The following EP400 variants were observed in gnomAD, a reference collection of about 807,000 sequenced individuals.
The protein encoded by EP400 is E1A binding protein p400.
A neutral mutation model predicts 354.1 loss-of-function variants in EP400; 105 were observed. The observed-to-expected ratio is 0.30, with a 90% CI of 0.25 to 0.35. EP400 has a LOEUF of 0.35. Ranked by LOEUF, EP400 falls within the 10% of genes least tolerant of loss-of-function variation. The pLI is 1.00. For missense variants in EP400, 3,280 were observed against 4,121.0 expected, an observed-to-expected ratio of 0.80 and a Z score of 5.59; for synonymous variants, 1,646 against 1,716.9, an observed-to-expected ratio of 0.96 and a Z score of 1.02.
intron 15 of EP400, among the ~76,000 whole-genome samples, chr12:132,007,588 A>G (rs531934625): frequency 6.6e-6 from 1 of 152,312 alleles, no homozygotes; most frequent in East Asian, 1.9e-4. Flanking sequence ...CTAGCTGCAG[A>G]GGAAGGTGTG....
At chr12:132,024,042 G>A in intron 24 of EP400, 101 bp downstream of exon 24, 1 of 1,286,692 alleles carries the variant, frequency 7.8e-7, no homozygotes. Flanking sequence ...TAAGTGTCAG[G>A]CTTTTCCCTG....
chr12:131,954,760 G>A (rs1231331642), intron 1 of EP400, among the ~76,000 whole-genome samples: 1 of 151,538 alleles, frequency 6.6e-6, no homozygotes. Flanking sequence ...GGGCGTGGTG[G>A]TGTGTGCCTA....
At chr12:132,021,044 A>T in intron 22 of EP400, 35 bp from the exon 23 acceptor site, 1 of 1,548,756 alleles carries the variant, frequency 6.5e-7, no homozygotes. Context: ...AAGAACCTCT[A>T]ACAGCTTTGC....
At position 132,017,752 on chromosome 12, in the gene EP400, T is replaced by C; in HGVS notation, c.4110+31T>C. On this transcript the variant is annotated intron_variant, in intron 20 of 52. Coordinates refer to ENST00000389561, the MANE Select transcript of EP400 (RefSeq NM_015409.5). This position sits in a 1 kb window ranked among gnomAD's most constrained non-coding sequence, Gnocchi z 5.0. ...TGGAGGATCCAGAAAGCGGAATTAC[T>C]GTTGGATATCTTTTCTAGGCACATT... The C allele has an allele frequency of 6.6e-7, 1 of 1,506,116 alleles. No individual in the cohort carries two copies. The highest frequency in any genetic ancestry group is 8.9e-7 in the Non-Finnish European group (1 of 1,128,002). 93.3% of individuals were successfully genotyped at this position (1,506,116 alleles called of 1,614,324 possible).
Position 131,992,060 on chromosome 12 carries a change from C to G in EP400, c.2680-113C>G, listed in dbSNP as rs529912401. 9 of 1,111,562 alleles carry G rather than the reference C, an allele frequency of 8.1e-6. No individual in the cohort carries two copies. In the East Asian group the frequency reaches 1.2e-4, roughly 14 times the overall value. The allele number at this position is 1,111,562 out of a possible 1,614,324, so 68.9% of individuals were successfully genotyped here. A position where few individuals can be genotyped will look rare whatever the true frequency, so the allele number is the denominator to read the frequency against. ...ACCCCAAATGGAGGCTGAGGGCAGC[C>G]TAGCAGGCTTGCCCCGGGGCTCCCC... On this transcript the variant is annotated intron_variant, in intron 10 of 52. Coordinates refer to ENST00000389561, the MANE Select transcript of EP400 (RefSeq NM_015409.5).
intron 1 of EP400, 50 bp from the exon 2 acceptor site, chr12:131,960,535 A>G: frequency 6.8e-7 from 1 of 1,471,334 alleles, no homozygotes; most frequent in South Asian, 1.4e-5. Context: ...AGTGTCAATA[A>G]AACAGTTATG....
chr12:131,951,918 A>G (rs1451023661), intron 1 of EP400, among the ~76,000 whole-genome samples: 1 of 150,446 alleles, frequency 6.6e-6, no homozygotes, highest in Non-Finnish European at 1.5e-5. Flanking sequence ...CTGGGATTAC[A>G]GGTGCCTGCC....
chr12:132,072,920 A>G (rs1372079129), intron 51 of EP400, among the ~76,000 whole-genome samples: 1 of 152,188 alleles, frequency 6.6e-6, no homozygotes, highest in African/African-American at 2.4e-5. Context: ...CTTGAAGCCT[A>G]TTCTCCTCAC....
chr12:132,068,282 C>G (rs1895961083), intron 50 of EP400: 1 of 152,514 alleles, frequency 6.6e-6, no homozygotes, highest in South Asian at 2.1e-4. Context: ...TGCCCTGTTC[C>G]CTGAGCGCTG....
In EP400 at chr12:132,067,042, G is replaced by T. The variant is rs1018498473; in HGVS notation, c.8749+73G>T. 8.3e-6 allele frequency: 12 copies of T among 1,441,888 alleles called. No individual in the cohort carries two copies. The highest frequency in any genetic ancestry group is 1.4e-5 in the African/African-American group (1 of 69,630). 89.3% of individuals were successfully genotyped at this position (1,441,888 alleles called of 1,614,324 possible). ...ACAGGCCTCTCTGGTGGCAGTGGTC[G>T]CCAGCGACCCGTGTTCTTTCCTCAC... On this transcript the variant is annotated intron_variant, in intron 49 of 52. Coordinates refer to ENST00000389561, the MANE Select transcript of EP400 (RefSeq NM_015409.5). This position sits in a 1 kb window ranked among gnomAD's most constrained non-coding sequence, Gnocchi z 5.3.
intron 12 of EP400, among the ~76,000 whole-genome samples, chr12:131,995,449 A>G (rs1017391914): frequency 2.0e-5 from 3 of 151,688 alleles, no homozygotes; most frequent in Non-Finnish European, 4.4e-5. Context: ...GCTTGACTGA[A>G]TGTACCGTTC....
intron 13 of EP400, 46 bp from the exon 14 acceptor site, chr12:132,006,066 A>G: frequency 6.4e-7 from 1 of 1,550,952 alleles, no homozygotes; most frequent in South Asian, 1.2e-5. Flanking sequence ...TAGATTTATA[A>G]AGCCTTCTCA....
In EP400 at chr12:132,045,851, A is replaced by G. The variant is rs1226600144; in HGVS notation, c.7151A>G (p.Gln2384Arg). The change falls in exon 39 of 53, where the codon CAG (glutamine) becomes CGG (arginine). Residue 2384 changes from glutamine to arginine, a missense_variant. This residue lies in a region of EP400 where 84 missense variants were observed against 133.0 expected (regional missense o/e 0.63). Transcript: ENST00000389561. ...AGCCGAATCTACCGCTCTTCCAAAC[A>G]GTGCCGGAATCGCTACGAGAATGTC... ...SCSRIYRSSK[Q>R]CRNRYENVII... 1.2e-6 allele frequency: 2 copies of G among 1,614,246 alleles called. No homozygotes were observed. The highest frequency in any genetic ancestry group is 8.5e-7 in the Non-Finnish European group (1 of 1,180,048).
intron 19 of EP400, among the ~76,000 whole-genome samples, chr12:132,016,270 C>G (rs893212246): frequency 6.6e-5 from 10 of 152,222 alleles, no homozygotes; most frequent in Admixed American, 2.0e-4. Context: ...TTTCTCAGCC[C>G]CCATGCAATG....
intron 23 of EP400, among the ~76,000 whole-genome samples, chr12:132,022,083 C>T (rs1315699112): frequency 2.0e-5 from 3 of 152,176 alleles, no homozygotes; most frequent in Non-Finnish European, 4.4e-5. Context: ...CACTTGAGTT[C>T]AAACTAATTC....
chr12:132,035,719 G>A (rs182742021), intron 30 of EP400, among the ~76,000 whole-genome samples: 3 of 146,582 alleles, frequency 2.0e-5, no homozygotes, highest in African/African-American at 5.1e-5. Flanking sequence ...CACATGGAAC[G>A]CTGTGGAAGC....
In EP400 at chr12:132,052,890, C is replaced by G. The variant is rs1372346671; in HGVS notation, c.7395-256C>G. Among the ~76,000 whole-genome samples the G allele has an allele frequency of 3.3e-5, 5 of 152,216 alleles. No homozygotes were observed. In the East Asian group the frequency reaches 9.7e-4, roughly 29 times the overall value. ...GCGTTTGGGGGCTGCCACAAGTACG[C>G]TGGGGACGTGTTCGGAGATACTTTT... On this transcript the variant is annotated intron_variant, in intron 41 of 52. Transcript: ENST00000389561. This position sits in a 1 kb window ranked among gnomAD's most constrained non-coding sequence, Gnocchi z 4.4.
chr12:132,056,384 A>G (rs1895516323), intron 45 of EP400, among the ~76,000 whole-genome samples: 1 of 151,620 alleles, frequency 6.6e-6, no homozygotes, highest in South Asian at 2.1e-4. Flanking sequence ...ATGGAATTGG[A>G]TAGAGAGTCC....
chr12:132,039,105 C>A (rs1015021867), intron 32 of EP400, among the ~76,000 whole-genome samples: 1 of 152,094 alleles, frequency 6.6e-6, no homozygotes, highest in African/African-American at 2.4e-5. Context: ...TGTCAGCCCC[C>A]TCCTTGCCTG....
Sources: gnomAD v4.1 joint callset for allele counts (sites outside exome capture counted in the v4.1 genomes callset) on GRCh38, gnomAD v4.1.1 for gene constraint, gnomAD v4.1.1 regional missense constraint, Gnocchi (gnomAD v3.1) non-coding constraint, MANE v1.5 for transcripts, NCBI Gene and HGNC (gene_info 2026-07-23, HGNC 2026-07-21) for gene names.